Variants in AKR1C3 observed in about 807,000 individuals in gnomAD.
AKR1C3 encodes aldo-keto reductase family 1 member C3, also known as 3-alpha hydroxysteroid dehydrogenase, type II.
In AKR1C3, 48 loss-of-function variants were observed where a neutral mutation model predicts 43.6. The observed-to-expected ratio is 1.10, with a 90% CI of 0.87 to 1.40. The LOEUF (loss-of-function observed/expected upper bound fraction) is 1.40. Among genes scored for constraint, AKR1C3 ranks in the 40% most tolerant of loss-of-function variants. The pLI is 0.00. For synonymous variants in AKR1C3, 162 were observed against 139.6 expected, an observed-to-expected ratio of 1.16 and a Z score of -1.13; for missense variants, 482 against 391.2, an observed-to-expected ratio of 1.23 and a Z score of -1.96.
At position 5,097,299 on chromosome 10, in the gene AKR1C3, G is replaced by T; in HGVS notation, c.253-135G>T. ...TAGGTCAGAGCCAAAGGAATCATGA[G>T]AAGGAAGAGAATATGTTTGCCAGTG... On this transcript the variant is annotated intron_variant, in intron 2 of 8. Transcript: ENST00000380554. 9 of 1,057,324 alleles carry T rather than the reference G, an allele frequency of 8.5e-6. No individual in the cohort carries two copies. In the South Asian group the frequency reaches 1.3e-4, roughly 15 times the overall value. 65.5% of individuals were successfully genotyped at this position (1,057,324 alleles called of 1,614,324 possible). A position where few individuals can be genotyped will look rare whatever the true frequency, so the allele number is the denominator to read the frequency against.
intron 1 of AKR1C3, among the ~76,000 whole-genome samples, chr10:5,053,771 T>C (rs1838203521): frequency 6.6e-6 from 1 of 152,232 alleles, no homozygotes; most frequent in Non-Finnish European, 1.5e-5. Context: ...GCAGTTGTAG[T>C]GTCCTCCAGA....
At chr10:5,066,902 A>G (rs1261112508) in intron 1 of AKR1C3, among the ~76,000 whole-genome samples, 1 of 152,162 alleles carries the variant, frequency 6.6e-6, no homozygotes, top group Non-Finnish European at 1.5e-5. Flanking sequence ...TAATGGGGGT[A>G]CATTTCTATT....
At chr10:5,084,440 C>G (rs1588346557) in intron 1 of AKR1C3, among the ~76,000 whole-genome samples, 1 of 151,314 alleles carries the variant, frequency 6.6e-6, no homozygotes, top group Non-Finnish European at 1.5e-5. Context: ...GTCTATATCT[C>G]TGTTTTGGTA....
At chr10:5,066,563 A>G (rs1276658799) in intron 1 of AKR1C3, among the ~76,000 whole-genome samples, 1 of 152,206 alleles carries the variant, frequency 6.6e-6, no homozygotes, top group African/African-American at 2.4e-5. Context: ...AATATAGCGC[A>G]GCAACGAGAC....
At chr10:5,076,970 C>A (rs1469618485) in intron 1 of AKR1C3, among the ~76,000 whole-genome samples, 2 of 152,190 alleles carry the variant, frequency 1.3e-5, no homozygotes, top group Non-Finnish European at 2.9e-5. Flanking sequence ...TTGGTTGTCT[C>A]ACATCCACTG....
chr10:5,104,058 T>C lies in AKR1C3; in HGVS notation c.846+1408T>C, dbSNP rs587608402. Among the ~76,000 whole-genome samples, 36 of 152,276 alleles carry C rather than the reference T, an allele frequency of 2.4e-4. 1 individual carries two copies. The South Asian group carries it at 7.0e-3, about 30-fold the overall frequency. On this transcript the variant is annotated intron_variant, in intron 7 of 8. Transcript: ENST00000380554. ...TATTATTGAAGTACCACCTCCCAAA[T>C]TGCATATGTGCTGTGGTTTTCTCTG...
intron 1 of AKR1C3, among the ~76,000 whole-genome samples, chr10:5,069,081 AT>A (rs1442664985): frequency 6.6e-6 from 1 of 151,602 alleles, no homozygotes; most frequent in Non-Finnish European, 1.5e-5. Context: ...AAAATATTTG[AT>A]TTAAGCTCTT....
In AKR1C3 at chr10:5,052,320, G is replaced by A. The variant is rs182729320; in HGVS notation, c.84+3425G>A. The stretch of plus-strand genomic sequence containing the variant: ...GTGTGGACCCAAAGAGTGAGCAGTA[G>A]CAAGATTTATTGCAAAGAGTGAAAT... On this transcript the variant is annotated intron_variant, in intron 1 of 8. Coordinates refer to the AKR1C3 transcript ENST00000439082. 9.2e-5 allele frequency among the ~76,000 whole-genome samples: 14 copies of A among 152,306 alleles called. No homozygotes were observed. In the East Asian group the frequency reaches 2.7e-3, roughly 29 times the overall value.
chr10:5,061,594 T>C (rs1838384694), intron 1 of AKR1C3, among the ~76,000 whole-genome samples: 1 of 152,182 alleles, frequency 6.6e-6, no homozygotes, highest in African/African-American at 2.4e-5. Flanking sequence ...AATTATATGT[T>C]GTGCATAAAA....
chr10:5,077,838 T>C (rs1404231951), intron 1 of AKR1C3: 3 of 538,110 alleles, frequency 5.6e-6, no homozygotes, highest in East Asian at 3.4e-5. Context: ...AAATAACATA[T>C]AAAAACTGTT....
chr10:5,057,234 A>T (rs1838279415), intron 1 of AKR1C3, among the ~76,000 whole-genome samples: 1 of 152,204 alleles, frequency 6.6e-6, no homozygotes, highest in African/African-American at 2.4e-5. Context: ...CACTGATAAC[A>T]GGCCCTACCA....
At chr10:5,059,670 C>T (rs1341600761) in intron 1 of AKR1C3, among the ~76,000 whole-genome samples, 1 of 152,120 alleles carries the variant, frequency 6.6e-6, no homozygotes, top group East Asian at 1.9e-4. Flanking sequence ...CGGTATTTAG[C>T]CCCCAAATTC....
chr10:5,079,830 TATGA>T (rs1370555419), intron 1 of AKR1C3, among the ~76,000 whole-genome samples: 2 of 152,176 alleles, frequency 1.3e-5, no homozygotes, highest in Admixed American at 6.5e-5. Flanking sequence ...TGTACATGTA[TATGA>T]ATTTATATGC....
chr10:5,069,471 T>G (rs1389137096), intron 1 of AKR1C3, among the ~76,000 whole-genome samples: 2 of 152,230 alleles, frequency 1.3e-5, no homozygotes, highest in Non-Finnish European at 2.9e-5. Context: ...ACAAAGTTAT[T>G]CTTTTTCTCA....
chr10:5,054,245 AT>A (rs1838214786), intron 1 of AKR1C3, among the ~76,000 whole-genome samples: 1 of 152,230 alleles, frequency 6.6e-6, no homozygotes, highest in Admixed American at 6.5e-5. Flanking sequence ...GTAAGAATAG[AT>A]TTCGTTATTT....
chr10:5,106,966 A>C (rs1437745285), intron 8 of AKR1C3, among the ~76,000 whole-genome samples: 6 of 151,938 alleles, frequency 3.9e-5, no homozygotes, highest in Admixed American at 2.6e-4. Context: ...AGCATGAGTA[A>C]TTCTTATCAT....
At chr10:5,092,541 T>C (rs1445049044), upstream of AKR1C3, among the ~76,000 whole-genome samples, 9 of 151,592 alleles carry the variant, frequency 5.9e-5, no homozygotes, top group African/African-American at 2.2e-4. Context: ...CCTAAACATG[T>C]AGATTATATC....
intron 1 of AKR1C3, among the ~76,000 whole-genome samples, chr10:5,085,171 C>T (rs1310202096): frequency 2.6e-5 from 4 of 152,002 alleles, no homozygotes; most frequent in African/African-American, 7.3e-5. Flanking sequence ...AAAGGGAATG[C>T]TTCCAGTTTT....
At chr10:5,053,393 G>C (rs1554779193) in intron 1 of AKR1C3, among the ~76,000 whole-genome samples, 1 of 152,222 alleles carries the variant, frequency 6.6e-6, no homozygotes, top group African/African-American at 2.4e-5. Flanking sequence ...CAGCCGCTCT[G>C]AGTGCAGGGC....
Sources: gnomAD v4.1 joint callset for allele counts (sites outside exome capture counted in the v4.1 genomes callset) on GRCh38, gnomAD v4.1.1 for gene constraint, MANE v1.5 for transcripts, NCBI Gene and HGNC (gene_info 2026-07-23, HGNC 2026-07-21) for gene names.